The following ANKS6 variants were observed in gnomAD, a reference collection of about 807,000 sequenced individuals.
ANKS6 encodes the protein ankyrin repeat and sterile alpha motif domain containing 6.
In ANKS6, 47 loss-of-function variants were observed where a neutral mutation model predicts 77.9. The ratio of observed to expected loss-of-function variants is 0.60; its 90% CI spans 0.48 to 0.77. The LOEUF is 0.77. Ranked by LOEUF, ANKS6 falls within the 30% of genes least tolerant of loss-of-function variation. The pLI, the probability that ANKS6 is intolerant of heterozygous loss-of-function variation, is 0.00. For missense variants in ANKS6, 1,150 were observed against 1,159.1 expected (o/e 0.99, Z 0.11); for synonymous variants, 488 against 501.7 (o/e 0.97, Z 0.37).
chr9:98,753,454 T>C (rs1205361091), intron 12 of ANKS6, among the ~76,000 whole-genome samples: 2 of 152,216 alleles, frequency 1.3e-5, no homozygotes, highest in Non-Finnish European at 2.9e-5. Context: ...TTAAGTTTAA[T>C]CCTCATTGTT....
chr9:98,784,783 T>A, intron 3 of ANKS6, 49 bp downstream of exon 3: 1 of 1,529,116 alleles, frequency 6.5e-7, no homozygotes, highest in Non-Finnish European at 9.0e-7. Flanking sequence ...GTTGGGAGAA[T>A]GTAGCCCTAT....
intron 14 of ANKS6, among the ~76,000 whole-genome samples, chr9:98,745,126 G>T (rs777175648): frequency 6.6e-6 from 1 of 152,186 alleles, no homozygotes; most frequent in Non-Finnish European, 1.5e-5. Context: ...ACGGCTCTCT[G>T]TGTGCCAGGA....
intron 12 of ANKS6, among the ~76,000 whole-genome samples, chr9:98,753,894 G>T (rs168083): frequency 0.8 from 121,500 of 152,152 alleles, 49,161 homozygotes; most frequent in African/African-American, 0.93. Context: ...CAGTTAATTC[G>T]AAGTTCATGT....
At chr9:98,747,008 C>A (rs1242067656) in intron 13 of ANKS6, among the ~76,000 whole-genome samples, 1 of 152,202 alleles carries the variant, frequency 6.6e-6, no homozygotes, top group Non-Finnish European at 1.5e-5. Context: ...TGCCAGGGGA[C>A]CTGGGCAGGT....
In ANKS6 at chr9:98,796,383, C is replaced by T; in HGVS notation, c.109G>A (p.Ala37Thr). Residue 37 changes from alanine to threonine, a missense_variant, in exon 1 of 15, where the codon GCC becomes ACC. Physicochemically the swap from Ala to Thr is moderately conservative, Grantham distance 58. Transcript: ENST00000353234. ...RLLEPGAAEPAERGAEPEAGA... is the reference protein window; with the variant it reads ...RLLEPGAAEPTERGAEPEAGA... ...GCCTCCGGCTCCGCGCCGCGCTCGG[C>T]TGGCTCCGCCGCCCCCGGCTCCAGC... The T allele has an allele frequency of 9.9e-7, 1 of 1,008,204 alleles. No homozygotes were observed. The highest frequency in any genetic ancestry group is 1.2e-6 in the Non-Finnish European group (1 of 846,994). The allele number at this position is 1,008,204 out of a possible 1,614,324, so 62.5% of individuals were successfully genotyped here.
At chr9:98,745,473 G>A (rs1832076160) in intron 14 of ANKS6, 86 bp downstream of exon 14, 2 of 1,281,202 alleles carry the variant, frequency 1.6e-6, no homozygotes, top group Non-Finnish European at 2.3e-6. Flanking sequence ...TCAGAGAGAG[G>A]AAGTAAGACC....
At chr9:98,788,783 A>G (rs1834721143) in intron 2 of ANKS6, among the ~76,000 whole-genome samples, 1 of 152,190 alleles carries the variant, frequency 6.6e-6, no homozygotes, top group Non-Finnish European at 1.5e-5. Context: ...TGCTCTTCCC[A>G]TGGAATCCTC....
In ANKS6 at chr9:98,732,531, T is replaced by C; in HGVS notation, c.*3988A>G. 1.3e-6 allele frequency: 2 copies of C among 1,550,580 alleles called. No individual in the cohort carries two copies. Among genetic ancestry groups the C allele is most frequent in the Non-Finnish European group, 1.7e-6 (2 of 1,146,984 alleles). ...ACCTCTTGCCGGAGGCAGTTTCTTC[T>C]GGCCTCACCCACCCAACCATGGCTA... On this transcript the variant is annotated 3_prime_UTR_variant, in exon 15 of 15. Coordinates refer to ENST00000353234, the MANE Select transcript of ANKS6 (RefSeq NM_173551.5).
At chr9:98,762,212 C>T (rs1378118063) in intron 11 of ANKS6, among the ~76,000 whole-genome samples, 1 of 152,000 alleles carries the variant, frequency 6.6e-6, no homozygotes, top group Non-Finnish European at 1.5e-5. Context: ...TCTAAATGTC[C>T]TAATGCTAAA....
In ANKS6 at chr9:98,732,675, C is replaced by G; in HGVS notation, c.*3844G>C. The G allele has an allele frequency of 1.3e-6, 2 of 1,493,674 alleles. No homozygotes were observed. The highest frequency in any genetic ancestry group is 1.8e-6 in the Non-Finnish European group (2 of 1,122,656). 92.5% of individuals were successfully genotyped at this position (1,493,674 alleles called of 1,614,324 possible). On this transcript the variant is annotated 3_prime_UTR_variant, in exon 15 of 15. Coordinates refer to ENST00000353234, the MANE Select transcript of ANKS6 (RefSeq NM_173551.5). ...CCACAGTGTGAAAAGGGCTTTCTCA[C>G]TTTCACATGATCCCTGGGGGCTACT... is the stretch of plus-strand genomic sequence containing the variant.
intron 14 of ANKS6, among the ~76,000 whole-genome samples, chr9:98,741,051 T>C (rs1253106329): frequency 6.6e-6 from 1 of 152,220 alleles, no homozygotes; most frequent in Non-Finnish European, 1.5e-5. Context: ...GACTCAGTAA[T>C]TCCACTTTCA....
chr9:98,739,241 A>C (rs542493323), intron 14 of ANKS6, among the ~76,000 whole-genome samples: 2 of 152,168 alleles, frequency 1.3e-5, no homozygotes, highest in Non-Finnish European at 2.9e-5. Flanking sequence ...ATGTAACTAA[A>C]CACCACCTGT....
chr9:98,772,474 G>A (rs561452994), intron 9 of ANKS6, among the ~76,000 whole-genome samples: 1 of 152,282 alleles, frequency 6.6e-6, no homozygotes, highest in South Asian at 2.1e-4. Flanking sequence ...GTTGTTTTAA[G>A]CCATGCAGTT....
chr9:98,795,182 CT>C (rs1176448068), intron 1 of ANKS6, among the ~76,000 whole-genome samples: 3 of 152,152 alleles, frequency 2.0e-5, no homozygotes, highest in African/African-American at 7.2e-5. Context: ...TCTGGGTGCC[CT>C]CCCTCCGCTG....
Position 98,779,852 on chromosome 9 carries a change from C to T in ANKS6, c.1368+337G>A, listed in dbSNP as rs148798221. 3.1e-3 allele frequency among the ~76,000 whole-genome samples: 476 copies of T among 152,100 alleles called. 3 individuals are homozygous for T. The highest frequency in any genetic ancestry group is 0.011 in the African/African-American group (458 of 41,492). ...CTAATTTTTGTATTTTTAGTAGAGA[C>T]GGGGTTTCACCGTGTTAGCCAGGAT... is the stretch of plus-strand genomic sequence containing the variant. On this transcript the variant is annotated intron_variant, in intron 6 of 14. Transcript: ENST00000353234.
At chr9:98,784,605 C>T in intron 3 of ANKS6, 1 of 540,498 alleles carries the variant, frequency 1.9e-6, no homozygotes, top group Non-Finnish European at 3.3e-6. Context: ...TAGGGCATAG[C>T]TAGACAGTGT....
intron 2 of ANKS6, among the ~76,000 whole-genome samples, chr9:98,785,780 G>A (rs1834531634): frequency 6.6e-6 from 1 of 152,162 alleles, no homozygotes; most frequent in African/African-American, 2.4e-5. Context: ...TAACTGGGAG[G>A]AAGCTGCAGC....
rs1185993017 is a variant in ANKS6 at position 98,796,455 on chromosome 9, G to C, written c.37C>G (p.Leu13Val). ...TCGCCCTGGTCACACGCGCGCAGCA[G>C]CAGCTGGAAGGCCGGGGGCAGCCCG... ...EGGLPPAFQL[L>V]LRACDQGDTE... The change falls in exon 1 of 15, where the codon CTG becomes GTG. Residue 13 changes from leucine to valine, a missense_variant. Coordinates refer to ENST00000353234, the MANE Select transcript of ANKS6 (RefSeq NM_173551.5). 1.0e-6 allele frequency: 1 copy of C among 993,650 alleles called. No individual in the cohort carries two copies. The highest frequency in any genetic ancestry group is 1.2e-6 in the Non-Finnish European group (1 of 837,410). 61.6% of individuals were successfully genotyped at this position (993,650 alleles called of 1,614,324 possible).
At position 98,733,616 on chromosome 9, in the gene ANKS6, C is replaced by A; in HGVS notation, c.*2903G>T. ...AAAAGCGGGGCTTCTCCAATGGTGT[C>A]CAAGGAATTCCAGTCTTGCAAAAGC... is the stretch of plus-strand genomic sequence containing the variant. On this transcript the variant is annotated 3_prime_UTR_variant, in exon 15 of 15. Transcript: ENST00000353234. 1 of 985,438 alleles carries A rather than the reference C, an allele frequency of 1.0e-6. No individual in the cohort carries two copies. The highest frequency in any genetic ancestry group is 1.2e-6 in the Non-Finnish European group (1 of 829,966). 61.0% of individuals were successfully genotyped at this position (985,438 alleles called of 1,614,324 possible). A position where few individuals can be genotyped will look rare whatever the true frequency, so the allele number is the denominator to read the frequency against.
Sources: allele counts gnomAD v4.1 joint callset (sites outside exome capture counted in the v4.1 genomes callset), GRCh38; gene constraint gnomAD v4.1.1; transcripts MANE v1.5; gene names NCBI Gene and HGNC (gene_info 2026-07-23, HGNC 2026-07-21).